FLNB: variants seen among roughly 807,000 people sequenced by gnomAD.
FLNB encodes the protein filamin B.
Under a neutral mutation model 250.6 loss-of-function variants are expected in FLNB, and 111 were observed. The ratio of observed to expected loss-of-function variants is 0.44; its 90% CI spans 0.38 to 0.52. The LOEUF is 0.52. Ranked by LOEUF, FLNB falls within the 20% of genes least tolerant of loss-of-function variation. The probability of loss-of-function intolerance (pLI) is 0.00; values close to 1 mark genes in which losing one functional copy is unlikely to be tolerated. For missense variants in FLNB, 2,869 were observed against 3,447.8 expected (o/e 0.83, Z 4.20); for synonymous variants, 1,302 against 1,372.1 (o/e 0.95, Z 1.13).
At chr3:58,115,144 G>GA (rs528872029) in intron 18 of FLNB, among the ~76,000 whole-genome samples, 190 of 152,220 alleles carry the variant, frequency 1.2e-3, no homozygotes, top group Non-Finnish European at 2.4e-3. Context: ...TTTATAGATA[G>GA]AGCATTCTTT....
chr3:58,108,705 T>C (rs2097263634), intron 13 of FLNB, 134 bp downstream of exon 13: 10 of 685,004 alleles, frequency 1.5e-5, no homozygotes, highest in South Asian at 1.1e-4. Context: ...GATTATCTTA[T>C]AGGGTTATGT....
chr3:58,039,039 T>TAAAA (rs1234201473), intron 1 of FLNB, among the ~76,000 whole-genome samples: 233 of 142,038 alleles, frequency 1.6e-3, no homozygotes, highest in African/African-American at 6.0e-3. Context: ...TTTTTTTTTT[T>TAAAA]AAAAAAAAGA....
chr3:58,114,711 T>G (rs1028193291), intron 18 of FLNB, among the ~76,000 whole-genome samples: 1 of 145,686 alleles, frequency 6.9e-6, no homozygotes, highest in African/African-American at 2.6e-5. Flanking sequence ...TTTTCTGTTT[T>G]TTTTTTTTGT....
intron 1 of FLNB, among the ~76,000 whole-genome samples, chr3:58,056,936 G>A (rs2106865480): frequency 6.6e-6 from 1 of 152,160 alleles, no homozygotes; most frequent in Admixed American, 6.5e-5. Context: ...AGCAATCAGT[G>A]TATACTTGGA....
At chr3:58,022,372 T>A (rs2097115393) in intron 1 of FLNB, among the ~76,000 whole-genome samples, 1 of 152,180 alleles carries the variant, frequency 6.6e-6, no homozygotes, top group African/African-American at 2.4e-5. Context: ...GGGGTCCCAG[T>A]GGAACACTTC....
At chr3:58,130,146 T>C (rs935002327) in intron 24 of FLNB, among the ~76,000 whole-genome samples, 5 of 151,972 alleles carry the variant, frequency 3.3e-5, no homozygotes, top group African/African-American at 1.2e-4. Flanking sequence ...GAGAGGAGTC[T>C]GGGGGACACA....
intron 25 of FLNB, chr3:58,132,061 G>T (rs1279963539): frequency 1.5e-6 from 2 of 1,308,636 alleles, no homozygotes; most frequent in Non-Finnish European, 2.1e-6. Flanking sequence ...TAACCCAAAT[G>T]CTTCTTGCTG....
At chr3:58,061,367 A>G (rs927073026) in intron 1 of FLNB, among the ~76,000 whole-genome samples, 2 of 152,164 alleles carry the variant, frequency 1.3e-5, no homozygotes, top group African/African-American at 4.8e-5. Flanking sequence ...TGTTAAGATG[A>G]AGAGTTCTTC....
chr3:58,143,477 G>A lies in FLNB; in HGVS notation c.5289G>A (p.Glu1763=). ...CCGTCTCTCTGTGCTCCATAGGAGA[G>A]GTCCACATGCCTTCTGGGAAGACAG... is the stretch of plus-strand genomic sequence containing the variant. The part of the protein sequence containing the change: ...FAVRKGEITG[E]VHMPSGKTAT... Residue 1763 remains glutamate (E), a synonymous_variant, in exon 32 of 46, where the codon GAG becomes GAA. Coordinates refer to ENST00000295956, the MANE Select transcript of FLNB (RefSeq NM_001457.4). 1.9e-6 allele frequency: 3 copies of A among 1,614,172 alleles called. No homozygotes were observed. Among genetic ancestry groups the A allele is most frequent in the Middle Eastern group, 1.7e-4 (1 of 6,046 alleles).
intron 29 of FLNB, 85 bp from the exon 30 acceptor site, chr3:58,141,773 T>C: frequency 1.6e-6 from 2 of 1,251,474 alleles, no homozygotes; most frequent in South Asian, 1.2e-5. Context: ...GATGGAGCAG[T>C]GGGGGAAGCA....
At chr3:58,115,041 G>A (rs962715987) in intron 18 of FLNB, among the ~76,000 whole-genome samples, 2 of 152,044 alleles carry the variant, frequency 1.3e-5, no homozygotes, top group Non-Finnish European at 2.9e-5. Context: ...GGTTATAAAC[G>A]CGGCTTCTTA....
chr3:58,170,350 G>C (rs746936457), intron 45 of FLNB: 5 of 582,572 alleles, frequency 8.6e-6, no homozygotes, highest in Non-Finnish European at 1.5e-5. Context: ...GCTAGGGAGA[G>C]GTGAGATTCC....
chr3:58,116,437 C>T (rs1206519240), intron 18 of FLNB, among the ~76,000 whole-genome samples: 11 of 152,158 alleles, frequency 7.2e-5, no homozygotes, highest in Non-Finnish European at 1.3e-4. Context: ...CGTGGGGAGC[C>T]GAGGTCCTGC....
intron 2 of FLNB, among the ~76,000 whole-genome samples, chr3:58,077,731 A>G (rs150349960): frequency 9.7e-4 from 148 of 152,290 alleles, no homozygotes; most frequent in African/African-American, 3.3e-3. Context: ...TGGTTTGACT[A>G]TATATGGCAT....
chr3:58,103,294 G>GTGTGTGTGTGTGTGTGCA (rs71091345), intron 9 of FLNB, among the ~76,000 whole-genome samples: 3 of 141,974 alleles, frequency 2.1e-5, no homozygotes, highest in Non-Finnish European at 4.6e-5. Flanking sequence ...GTGTGTGTGT[G>GTGTGTGTGTGTGTGTGCA]CACGCGCGTG....
chr3:58,166,664 A>T (rs1256843471), intron 43 of FLNB, among the ~76,000 whole-genome samples: 1 of 152,066 alleles, frequency 6.6e-6, no homozygotes, highest in Non-Finnish European at 1.5e-5. Flanking sequence ...CTACAAAAAA[A>T]TTTAAAAATT....
chr3:58,129,095 T>A (rs2107196902), intron 24 of FLNB, among the ~76,000 whole-genome samples: 1 of 152,282 alleles, frequency 6.6e-6, no homozygotes, highest in South Asian at 2.1e-4. Flanking sequence ...TCTGGGTGCT[T>A]AAATATTAGC....
chr3:58,159,529 C>T (rs1222947178), intron 41 of FLNB, 25 bp from the exon 42 acceptor site: 3 of 1,613,700 alleles, frequency 1.9e-6, no homozygotes, highest in Non-Finnish European at 1.7e-6. Context: ...AGGGCCATAA[C>T]CTGTCTGATG....
chr3:58,022,479 C>A (rs1176630230), intron 1 of FLNB, among the ~76,000 whole-genome samples: 1 of 152,132 alleles, frequency 6.6e-6, no homozygotes, highest in Non-Finnish European at 1.5e-5. Context: ...GAGAACAAGG[C>A]CTTTTCCAGG....
Sources: allele counts gnomAD v4.1 joint callset (sites outside exome capture counted in the v4.1 genomes callset), GRCh38; gene constraint gnomAD v4.1.1; transcripts MANE v1.5; gene names NCBI Gene and HGNC (gene_info 2026-07-23, HGNC 2026-07-21).